RRAGC: variants seen among roughly 807,000 people sequenced by gnomAD.
The protein encoded by RRAGC is ras-related GTP-binding protein C.
In RRAGC, 8 loss-of-function variants were observed where a neutral mutation model predicts 37.1. The ratio of observed to expected loss-of-function variants is 0.22; its 90% CI spans 0.13 to 0.39. RRAGC has a LOEUF of 0.39. Among genes scored for constraint, RRAGC ranks in the 10% least tolerant of loss-of-function variants. The probability of loss-of-function intolerance (pLI) is 1.00; values close to 1 mark genes in which losing one functional copy is unlikely to be tolerated. For missense variants in RRAGC, 342 were observed against 497.6 expected (o/e 0.69, Z 2.98); for synonymous variants, 190 against 181.1 (o/e 1.05, Z -0.39).
intron 2 of RRAGC, 147 bp from the exon 3 acceptor site, chr1:38,856,054 CTAAA>C (rs1051416487): frequency 1.5e-5 from 7 of 478,102 alleles, no homozygotes; most frequent in African/African-American, 1.4e-4. Context: ...TACTATACTA[CTAAA>C]TAACTCTTCA....
chr1:38,853,321 A>G (rs80232610), intron 3 of RRAGC, among the ~76,000 whole-genome samples: 1 of 152,200 alleles, frequency 6.6e-6, no homozygotes, highest in Non-Finnish European at 1.5e-5. Context: ...GAAGCCTTTA[A>G]CAATTTAAAC....
At chr1:38,856,081 TA>T (rs912496974) in intron 2 of RRAGC, among the ~76,000 whole-genome samples, 174 bp from the exon 3 acceptor site, 1 of 152,146 alleles carries the variant, frequency 6.6e-6, no homozygotes, top group African/African-American at 2.4e-5. Context: ...TGTCTCAAGA[TA>T]AAAAAATTCA....
At chr1:38,846,326 G>A (rs3748563) in intron 5 of RRAGC, 150,548 of 391,276 alleles carry the variant, frequency 0.38, 31,495 homozygotes, top group Non-Finnish European at 0.44. Flanking sequence ...GACATTTGGA[G>A]AAAAAGGTGC....
chr1:38,844,987 G>A (rs771654304), intron 6 of RRAGC, among the ~76,000 whole-genome samples: 1 of 152,222 alleles, frequency 6.6e-6, no homozygotes, highest in Non-Finnish European at 1.5e-5. Context: ...AGATGCTGGA[G>A]AGGATGTGGA....
chr1:38,839,855 G>A (rs1415359014), intron 6 of RRAGC, 151 bp from the exon 7 acceptor site: 2 of 778,972 alleles, frequency 2.6e-6, no homozygotes, highest in African/African-American at 3.5e-5. Flanking sequence ...CGTAAGAACA[G>A]CTGGTCATCG....
Position 38,859,547 on chromosome 1 carries a change from C to T in RRAGC, c.100G>A (p.Glu34Lys). 3 of 1,540,426 alleles carry T rather than the reference C, an allele frequency of 1.9e-6. No individual in the cohort carries two copies. Among genetic ancestry groups the T allele is most frequent in the Non-Finnish European group, 2.6e-6 (3 of 1,141,138 alleles). Reference sequence around the variant, plus strand: ...CCGCCCGCCGCCGCCGCCTCCTCTTCCTCCTCCTCCACGCCGTAGCCGAAG... The same window carrying T: ...CCGCCCGCCGCCGCCGCCTCCTCTTTCTCCTCCTCCACGCCGTAGCCGAAG... ...KDFGYGVEEE[E>K]EEAAAAGGGV... Residue 34 changes from glutamate (E) to lysine (K), a missense_variant, in exon 1 of 7, where the codon GAA becomes AAA. Physicochemically the swap from Glu to Lys is moderately conservative, Grantham distance 56 (BLOSUM62 1). Around this residue, in one of 3 missense-constraint regions of RRAGC, gnomAD observed 104 missense variants for 93.4 expected, o/e 1.11. Coordinates refer to ENST00000373001, the MANE Select transcript of RRAGC (RefSeq NM_022157.4).
At position 38,856,999 on chromosome 1, in the gene RRAGC, G is replaced by A. The variant is rs1642175045; in HGVS notation, c.321C>T (p.Ser107=). The A allele has an allele frequency of 6.2e-7, 1 of 1,613,752 alleles. No homozygotes were observed. Among genetic ancestry groups the A allele is most frequent in the East Asian group, 2.2e-5 (1 of 44,886 alleles). Residue 107 remains serine (S), a synonymous_variant, in exon 2 of 7, where the codon AGC becomes AGT. Transcript: ENST00000373001. ...NKIYKDDISN[S]SFVNFQIWDF... ...CCCATATCTGGAAATTCACAAAGGA[G>A]CTATTGGAAATGTCATCCTTATAAA... is the stretch of plus-strand genomic sequence containing the variant.
chr1:38,847,432 A>C (rs1642040372), intron 5 of RRAGC: 1 of 82,468 alleles, frequency 1.2e-5, no homozygotes, highest in Admixed American at 1.1e-4. Flanking sequence ...CAACACAAGA[A>C]CACACACACA....
intron 5 of RRAGC, 49 bp from the exon 6 acceptor site, chr1:38,846,136 C>T: frequency 6.9e-7 from 1 of 1,446,880 alleles, no homozygotes; most frequent in Non-Finnish European, 9.6e-7. Context: ...ATCTAGGCAT[C>T]TGCCACATTT....
chr1:38,839,350 CCA>C lies in RRAGC; in HGVS notation c.*201_*202del. Reference sequence around the variant, plus strand: ...CCAGAATTTTTTTTTTTTTTTTTTGCCATTTTCAAAAAAGATATAGTAGCTTC... The same window carrying C: ...CCAGAATTTTTTTTTTTTTTTTTTGCTTTTCAAAAAAGATATAGTAGCTTC... On this transcript the variant is annotated 3_prime_UTR_variant, in exon 7 of 7. Transcript: ENST00000373001. 2.6e-6 allele frequency: 1 copy of C among 379,422 alleles called. No homozygotes were observed. Among genetic ancestry groups the C allele is most frequent in the Non-Finnish European group, 4.6e-6 (1 of 219,520 alleles). 23.5% of individuals were successfully genotyped at this position (379,422 alleles called of 1,614,324 possible).
intron 6 of RRAGC, among the ~76,000 whole-genome samples, chr1:38,845,134 C>T (rs746718330): frequency 5.9e-5 from 9 of 152,168 alleles, no homozygotes; most frequent in African/African-American, 1.9e-4. Context: ...GGTATATACC[C>T]AAGGGATTAT....
intron 3 of RRAGC, 72 bp from the exon 4 acceptor site, chr1:38,852,560 A>G: frequency 1.3e-6 from 1 of 746,912 alleles, no homozygotes; most frequent in Non-Finnish European, 2.3e-6. Flanking sequence ...ATAATACATA[A>G]AATTTTAAGT....
intron 5 of RRAGC, among the ~76,000 whole-genome samples, chr1:38,850,667 A>G (rs1023000769): frequency 1.3e-5 from 2 of 152,338 alleles, no homozygotes; most frequent in South Asian, 2.1e-4. Flanking sequence ...AATGAAGGGC[A>G]GAGTCAGAGG....
chr1:38,853,747 CAAAA>C (rs568264211), intron 3 of RRAGC, among the ~76,000 whole-genome samples: 2 of 97,146 alleles, frequency 2.1e-5, no homozygotes, highest in Admixed American at 1.1e-4. Flanking sequence ...AACTCCATCT[CAAAA>C]AAAAAAAAAA....
intron 6 of RRAGC, among the ~76,000 whole-genome samples, chr1:38,840,836 A>G (rs1445119203): frequency 6.6e-6 from 1 of 152,270 alleles, no homozygotes; most frequent in African/African-American, 2.4e-5. Flanking sequence ...TCAGACTCAG[A>G]AAAGAAACAA....
intron 6 of RRAGC, among the ~76,000 whole-genome samples, chr1:38,842,039 G>T (rs374709294): frequency 6.6e-6 from 1 of 152,186 alleles, no homozygotes; most frequent in African/African-American, 2.4e-5. Flanking sequence ...TCAGGAGGCT[G>T]AGGCAGGTGG....
chr1:38,859,057 G>A (rs1570873403), intron 1 of RRAGC, among the ~76,000 whole-genome samples: 1 of 152,264 alleles, frequency 6.6e-6, no homozygotes, highest in Admixed American at 6.5e-5. Context: ...AAACGGGCCA[G>A]GGGAGGGAGT....
intron 4 of RRAGC, 131 bp downstream of exon 4, chr1:38,852,243 T>G (rs1642109700): frequency 2.4e-5 from 16 of 657,372 alleles, no homozygotes; most frequent in Non-Finnish European, 5.5e-6. Flanking sequence ...TTTTACATGT[T>G]AAGTGGGTCA....
intron 1 of RRAGC, among the ~76,000 whole-genome samples, chr1:38,859,170 C>G (rs979223578): frequency 2.0e-5 from 3 of 152,268 alleles, no homozygotes; most frequent in Non-Finnish European, 4.4e-5. Context: ...TGCCACCGGG[C>G]ACCTGCCTCC....
Sources: allele counts gnomAD v4.1 joint callset (sites outside exome capture counted in the v4.1 genomes callset), GRCh38; gene constraint gnomAD v4.1.1; regional missense constraint gnomAD v4.1.1; transcripts MANE v1.5; gene names NCBI Gene and HGNC (gene_info 2026-07-23, HGNC 2026-07-21).